Variants in SLAIN2 observed in about 807,000 individuals in gnomAD.
The protein encoded by SLAIN2 is SLAIN motif-containing protein 2.
SLAIN2 carries 31 observed loss-of-function variants against 56.6 expected under a neutral mutation model. The ratio of observed to expected loss-of-function variants is 0.55; its 90% CI spans 0.41 to 0.74. The LOEUF (loss-of-function observed/expected upper bound fraction) is 0.74, where lower values mean the gene tolerates loss of function less well. Among genes scored for constraint, SLAIN2 ranks in the 30% least tolerant of loss-of-function variants. SLAIN2 has a pLI of 0.00. For missense variants in SLAIN2, 777 were observed against 754.2 expected (o/e 1.03, Z -0.35); for synonymous variants, 317 against 284.9 (o/e 1.11, Z -1.13).
At chr4:48,380,908 T>C (rs1475276052) in intron 4 of SLAIN2, among the ~76,000 whole-genome samples, 3 of 152,200 alleles carry the variant, frequency 2.0e-5, no homozygotes, top group Non-Finnish European at 4.4e-5. Context: ...GTGTTTCTTA[T>C]TCTGCTGATT....
chr4:48,376,602 A>G (rs1280519258), intron 2 of SLAIN2, among the ~76,000 whole-genome samples: 1 of 150,010 alleles, frequency 6.7e-6, no homozygotes, highest in Non-Finnish European at 1.5e-5. Flanking sequence ...TTTTTTTGAC[A>G]GAAGTATTCA....
chr4:48,409,148 A>T (rs994664114), intron 6 of SLAIN2, among the ~76,000 whole-genome samples: 1 of 152,336 alleles, frequency 6.6e-6, no homozygotes, highest in Admixed American at 6.5e-5. Flanking sequence ...ACAGAGAATC[A>T]GGTCCCCATC....
chr4:48,420,263 C>T lies in SLAIN2; in HGVS notation c.1499C>T (p.Ser500Leu), dbSNP rs747526212. ...ACACAGCTCACACAAACCACCTCCTCACCTGGGCCTCCTATGGTTCAGAGC... is the reference window on the plus strand; with the variant it reads ...ACACAGCTCACACAAACCACCTCCTTACCTGGGCCTCCTATGGTTCAGAGC... Reference protein sequence around the residue: ...EITQLTQTTSSPGPPMVQSTV... With the variant: ...EITQLTQTTSLPGPPMVQSTV... The change falls in exon 7 of 8, where the codon TCA (serine) becomes TTA (leucine). Residue 500 changes from serine to leucine, a missense_variant. Physicochemically the swap from Ser to Leu is moderately radical, Grantham distance 145. Coordinates refer to ENST00000264313, the MANE Select transcript of SLAIN2 (RefSeq NM_020846.2). 5.6e-6 allele frequency: 9 copies of T among 1,613,872 alleles called. No individual in the cohort carries two copies.
chr4:48,408,437 A>G (rs923372), intron 6 of SLAIN2, among the ~76,000 whole-genome samples: 87,553 of 150,638 alleles, frequency 0.58, 25,993 homozygotes, highest in South Asian at 0.71. Context: ...AGACCTTCCA[A>G]TAGGATAAGA....
At chr4:48,404,023 T>C (rs2109779050) in intron 6 of SLAIN2, among the ~76,000 whole-genome samples, 1 of 152,278 alleles carries the variant, frequency 6.6e-6, no homozygotes, top group Non-Finnish European at 1.5e-5. Flanking sequence ...CTCTCCTGGC[T>C]CCATGCTGCA....
intron 1 of SLAIN2, among the ~76,000 whole-genome samples, chr4:48,367,201 T>C (rs1165560939): frequency 6.6e-6 from 1 of 152,236 alleles, no homozygotes; most frequent in African/African-American, 2.4e-5. Context: ...GTATGTACTT[T>C]GAAACCTCAA....
intron 6 of SLAIN2, 79 bp from the exon 7 acceptor site, chr4:48,420,046 C>A: frequency 7.2e-7 from 1 of 1,381,934 alleles, no homozygotes; most frequent in South Asian, 1.3e-5. Flanking sequence ...AGTGCCCAAT[C>A]ATCAGTTGTA....
At chr4:48,421,472 G>C (rs936137777) in intron 7 of SLAIN2, among the ~76,000 whole-genome samples, 2 of 151,980 alleles carry the variant, frequency 1.3e-5, no homozygotes, top group Admixed American at 6.6e-5. Flanking sequence ...TGCTTGCTTT[G>C]TTTAATCTTC....
chr4:48,389,934 A>G (rs1376459999), intron 6 of SLAIN2, among the ~76,000 whole-genome samples: 1 of 152,154 alleles, frequency 6.6e-6, no homozygotes, highest in Non-Finnish European at 1.5e-5. Context: ...CTCTGATATC[A>G]GTGTGGAGAA....
At chr4:48,365,073 A>G (rs1317353062) in intron 1 of SLAIN2, among the ~76,000 whole-genome samples, 10 of 151,876 alleles carry the variant, frequency 6.6e-5, no homozygotes, top group African/African-American at 2.4e-4. Context: ...CCTTTTAATC[A>G]CAGTAGTGTT....
intron 6 of SLAIN2, among the ~76,000 whole-genome samples, chr4:48,399,233 T>C (rs1716486270): frequency 6.6e-6 from 1 of 152,196 alleles, no homozygotes; most frequent in African/African-American, 2.4e-5. Context: ...CCTTGTTAGC[T>C]GTATTCCTAG....
rs1030673491 is a variant in SLAIN2, at chr4:48,408,347, C to CA, written c.1361-11767dup. Among the ~76,000 whole-genome samples, 587 of 136,670 alleles carry CA rather than the reference C, an allele frequency of 4.3e-3. 1 individual carries two copies. The highest frequency in any genetic ancestry group is 6.0e-3 in the African/African-American group (224 of 37,488). 89.7% of individuals were successfully genotyped at this position (136,670 alleles called of 152,430 possible). On this transcript the variant is annotated intron_variant, in intron 6 of 7. Transcript: ENST00000264313. ...CCTATCTCAAAAAATCTAAAACGAA[C>CA]AAAAAAAAAAACACGACATTTCAGT...
At chr4:48,365,210 T>C (rs926722040) in intron 1 of SLAIN2, among the ~76,000 whole-genome samples, 1 of 152,090 alleles carries the variant, frequency 6.6e-6, no homozygotes, top group Non-Finnish European at 1.5e-5. Context: ...GGCTCATGCC[T>C]GTAATCCCAG....
chr4:48,382,815 A>G lies in SLAIN2; in HGVS notation c.1110A>G (p.Gly370=). 6.2e-7 allele frequency: 1 copy of G among 1,613,826 alleles called. No homozygotes were observed. The highest frequency in any genetic ancestry group is 8.5e-7 in the Non-Finnish European group (1 of 1,179,854). ...NSPRSRSPAR[G]IEYSRVSPQP... is the part of the protein sequence containing the mutation. ...CTCGTTCACGATCTCCTGCTCGGGG[A>G]ATAGAATATAGTAGAGTGTCCCCAC... The change falls in exon 5 of 8, where the codon GGA becomes GGG. Residue 370 remains glycine (G), a synonymous_variant. Coordinates refer to ENST00000264313, the MANE Select transcript of SLAIN2 (RefSeq NM_020846.2).
intron 2 of SLAIN2, among the ~76,000 whole-genome samples, chr4:48,373,142 A>G (rs565291697): frequency 6.6e-6 from 1 of 152,308 alleles, no homozygotes; most frequent in African/African-American, 2.4e-5. Context: ...AAATTGTCAT[A>G]AAATTATATA....
intron 6 of SLAIN2, among the ~76,000 whole-genome samples, chr4:48,389,476 T>C (rs1417353473): frequency 2.0e-5 from 3 of 152,212 alleles, no homozygotes; most frequent in Non-Finnish European, 2.9e-5. Flanking sequence ...ATGTTATATT[T>C]CCAGCATTGG....
chr4:48,388,461 A>G (rs1716155115), intron 6 of SLAIN2, among the ~76,000 whole-genome samples: 1 of 152,242 alleles, frequency 6.6e-6, no homozygotes, highest in Non-Finnish European at 1.5e-5. Context: ...GAAAAACCCA[A>G]CACAATCTAC....
At chr4:48,409,913 A>G (rs1170013557) in intron 6 of SLAIN2, among the ~76,000 whole-genome samples, 1 of 152,188 alleles carries the variant, frequency 6.6e-6, no homozygotes, top group African/African-American at 2.4e-5. Flanking sequence ...TGCTGTGAAC[A>G]TTCATGTACA....
chr4:48,380,537 T>G (rs1715943872), intron 4 of SLAIN2, among the ~76,000 whole-genome samples: 1 of 152,152 alleles, frequency 6.6e-6, no homozygotes, highest in Non-Finnish European at 1.5e-5. Context: ...CACAGATACC[T>G]TTGAGAATCC....
Sources: gnomAD v4.1 joint callset for allele counts (sites outside exome capture counted in the v4.1 genomes callset) on GRCh38, gnomAD v4.1.1 for gene constraint, MANE v1.5 for transcripts, NCBI Gene and HGNC (gene_info 2026-07-23, HGNC 2026-07-21) for gene names.